Variants in ANTXR1 observed in about 807,000 individuals in gnomAD.
ANTXR1 encodes the protein ANTXR cell adhesion molecule 1, also known as anthrax toxin receptor 1.
ANTXR1 carries 19 observed loss-of-function variants against 78.1 expected under a neutral mutation model. The observed-to-expected ratio is 0.24, with a 90% confidence interval of 0.17 to 0.36. The LOEUF (loss-of-function observed/expected upper bound fraction) is 0.36. ANTXR1 is among the 10% of genes least tolerant of loss of function. The pLI, the probability that ANTXR1 is intolerant of heterozygous loss-of-function variation, is 1.00. For missense variants in ANTXR1, 518 were observed against 718.6 expected, an observed-to-expected ratio of 0.72 and a Z score of 3.19; for synonymous variants, 273 against 260.5, an observed-to-expected ratio of 1.05 and a Z score of -0.46.
At chr2:69,133,116 A>G (rs745550759) in intron 12 of ANTXR1, among the ~76,000 whole-genome samples, 4 of 152,178 alleles carry the variant, frequency 2.6e-5, no homozygotes, top group Non-Finnish European at 5.9e-5. Context: ...CCCCTTCTGC[A>G]AAGCGAAGCT....
At chr2:69,048,596 C>T (rs954376937) in intron 3 of ANTXR1, among the ~76,000 whole-genome samples, 1 of 152,140 alleles carries the variant, frequency 6.6e-6, no homozygotes, top group Non-Finnish European at 1.5e-5. Context: ...CAGTTCTTCC[C>T]ACACCACTGT....
intron 10 of ANTXR1, among the ~76,000 whole-genome samples, chr2:69,120,666 A>G (rs1672317922): frequency 6.6e-6 from 1 of 151,820 alleles, no homozygotes; most frequent in South Asian, 2.1e-4. Context: ...AGACTCTCAG[A>G]AAAAAAAGAT....
At chr2:69,062,531 ACC>A (rs760742901) in intron 3 of ANTXR1, among the ~76,000 whole-genome samples, 1 of 152,226 alleles carries the variant, frequency 6.6e-6, no homozygotes, top group African/African-American at 2.4e-5. Context: ...GCCCAAGCTC[ACC>A]CTGACTCAAG....
chr2:69,116,185 T>C (rs998741461), intron 10 of ANTXR1, among the ~76,000 whole-genome samples: 1 of 152,180 alleles, frequency 6.6e-6, no homozygotes, highest in African/African-American at 2.4e-5. Flanking sequence ...GCCTGACACA[T>C]AGTACATTCC....
At chr2:69,043,574 G>A (rs1398358887) in intron 2 of ANTXR1, among the ~76,000 whole-genome samples, 1 of 152,138 alleles carries the variant, frequency 6.6e-6, no homozygotes, top group Non-Finnish European at 1.5e-5. Flanking sequence ...GGTATTGCCT[G>A]AGCTCCTATC....
chr2:69,207,338 T>G (rs1271055313), intron 17 of ANTXR1, among the ~76,000 whole-genome samples: 2 of 152,216 alleles, frequency 1.3e-5, no homozygotes, highest in African/African-American at 4.8e-5. Context: ...TTTAGCTTTG[T>G]AAAACCATGG....
intron 13 of ANTXR1, among the ~76,000 whole-genome samples, chr2:69,165,546 T>A (rs1435104110): frequency 6.6e-6 from 1 of 152,198 alleles, no homozygotes; most frequent in Admixed American, 6.5e-5. Flanking sequence ...AGGGGAGATG[T>A]GAAGTTGTGG....
chr2:69,049,747 T>C (rs1185706929), intron 3 of ANTXR1, among the ~76,000 whole-genome samples: 1 of 152,242 alleles, frequency 6.6e-6, no homozygotes, highest in Non-Finnish European at 1.5e-5. Context: ...AGCTAGTATA[T>C]CTTCCTGTGT....
chr2:69,074,367 A>G (rs1425172502), intron 6 of ANTXR1, among the ~76,000 whole-genome samples: 5 of 152,212 alleles, frequency 3.3e-5, no homozygotes, highest in Non-Finnish European at 7.3e-5. Flanking sequence ...AAAAACCCTA[A>G]TAAGGAAAGA....
At chr2:69,035,994 G>A (rs1401617808) in intron 1 of ANTXR1, among the ~76,000 whole-genome samples, 5 of 152,236 alleles carry the variant, frequency 3.3e-5, no homozygotes, top group Non-Finnish European at 5.9e-5. Flanking sequence ...AAAGCTGGAA[G>A]TATGAATTAT....
Position 69,141,228 on chromosome 2 carries a change from C to T in ANTXR1, c.952-10941C>T, listed in dbSNP as rs764291898. Among the ~76,000 whole-genome samples the T allele has an allele frequency of 8.5e-5, 13 of 152,200 alleles. No homozygotes were observed. The South Asian group carries it at 2.1e-3, about 24-fold the overall frequency. ...CACATCACCAGGAACTTGGCTTGGA[C>T]GTAGAAGGAAAGGGAGGATGGAAAG... is the stretch of plus-strand genomic sequence containing the variant. On this transcript the variant is annotated intron_variant, in intron 12 of 17. Coordinates refer to ENST00000303714, the MANE Select transcript of ANTXR1 (RefSeq NM_032208.3).
At chr2:69,097,127 C>A (rs1380112338) in intron 9 of ANTXR1, among the ~76,000 whole-genome samples, 1 of 152,186 alleles carries the variant, frequency 6.6e-6, no homozygotes, top group African/African-American at 2.4e-5. Flanking sequence ...TAATTTAGCT[C>A]CTCTCTGGAA....
intron 17 of ANTXR1, among the ~76,000 whole-genome samples, chr2:69,238,961 A>G (rs1009011577): frequency 1.3e-5 from 2 of 152,164 alleles, no homozygotes; most frequent in Non-Finnish European, 2.9e-5. Context: ...CACAGCACAC[A>G]TGAGCTCACC....
chr2:69,122,895 C>T (rs752296325), intron 10 of ANTXR1, 122 bp from the exon 11 acceptor site: 23 of 1,029,160 alleles, frequency 2.2e-5, no homozygotes, highest in Admixed American at 3.5e-5. Context: ...AGTTTTTAAG[C>T]TCAAAAAGAT....
At chr2:69,233,093 A>C (rs561585077) in intron 17 of ANTXR1, among the ~76,000 whole-genome samples, 1 of 152,172 alleles carries the variant, frequency 6.6e-6, no homozygotes, top group African/African-American at 2.4e-5. Flanking sequence ...GAATAAATCA[A>C]TATCTGTGGC....
intron 3 of ANTXR1, among the ~76,000 whole-genome samples, chr2:69,060,306 G>A (rs1670196416): frequency 6.6e-6 from 1 of 152,196 alleles, no homozygotes; most frequent in African/African-American, 2.4e-5. Context: ...TAAAGTTCAG[G>A]GAGGTTAGCT....
At chr2:69,148,325 C>T (rs535861910) in intron 12 of ANTXR1, among the ~76,000 whole-genome samples, 39 of 152,262 alleles carry the variant, frequency 2.6e-4, no homozygotes, top group African/African-American at 7.5e-4. Flanking sequence ...CCTTTTTGTG[C>T]GGGAATGCTG....
chr2:69,116,981 G>A (rs1465867526), intron 10 of ANTXR1, among the ~76,000 whole-genome samples: 1 of 152,298 alleles, frequency 6.6e-6, no homozygotes, highest in East Asian at 1.9e-4. Context: ...AGTCTGAAAA[G>A]GATTACATTG....
chr2:69,063,787 T>C (rs1670315364), intron 3 of ANTXR1, among the ~76,000 whole-genome samples: 1 of 152,204 alleles, frequency 6.6e-6, no homozygotes, highest in East Asian at 1.9e-4. Context: ...TATGGAAATA[T>C]AATATTAAAA....
Sources: gnomAD v4.1 joint callset for allele counts (sites outside exome capture counted in the v4.1 genomes callset) on GRCh38, gnomAD v4.1.1 for gene constraint, MANE v1.5 for transcripts, NCBI Gene and HGNC (gene_info 2026-07-23, HGNC 2026-07-21) for gene names.